The following CHTF8 variants were observed in gnomAD, a reference collection of about 807,000 sequenced individuals.
The protein encoded by CHTF8 is chromosome transmission fidelity protein 8 homolog.
Under a neutral mutation model 11.0 loss-of-function variants are expected in CHTF8, and 6 were observed. The ratio of observed to expected loss-of-function variants is 0.55; its 90% CI spans 0.30 to 1.08. The LOEUF (loss-of-function observed/expected upper bound fraction) is 1.08, where lower values mean the gene tolerates loss of function less well. Ranked by LOEUF, CHTF8 falls within the 50% of genes least tolerant of loss-of-function variation. The pLI, the probability that CHTF8 is intolerant of heterozygous loss-of-function variation, is 0.07. For missense variants in CHTF8, 140 were observed against 153.1 expected (o/e 0.91, Z 0.45); for synonymous variants, 53 against 60.5 (o/e 0.88, Z 0.57).
intron 2 of CHTF8, 100 bp downstream of exon 2, chr16:69,121,324 GCAAGGATTTGTA>G: frequency 2.5e-6 from 3 of 1,215,020 alleles, no homozygotes; most frequent in Non-Finnish European, 3.5e-6. Flanking sequence ...AGATCAGAAT[GCAAGGATTTGTA>G]CAAGATGCAC....
intron 1 of CHTF8, among the ~76,000 whole-genome samples, chr16:69,128,596 G>A (rs1408200098): frequency 6.6e-6 from 1 of 152,028 alleles, no homozygotes; most frequent in African/African-American, 2.4e-5. Context: ...CTTTATCTCA[G>A]TAAAGGAAAC....
In CHTF8 at chr16:69,118,168, A is replaced by AATT. The variant is rs1404983888; in HGVS notation, c.*2254_*2256dup. ...CCATATTCCCATCCACATCAGTTTA[A>AATT]ATTTTGAGGTTCTTTGATTGATTGG... On this transcript the variant is annotated 3_prime_UTR_variant, in exon 4 of 4. Coordinates refer to ENST00000448552, the MANE Select transcript of CHTF8 (RefSeq NM_001039690.5). 6 of 572,182 alleles carry AATT rather than the reference A, an allele frequency of 1.0e-5. No homozygotes were observed. Among genetic ancestry groups the AATT allele is most frequent in the Non-Finnish European group, 1.9e-5 (6 of 321,902 alleles). The allele number at this position is 572,182 out of a possible 1,614,324, so 35.4% of individuals were successfully genotyped here. A position where few individuals can be genotyped will look rare whatever the true frequency, so the allele number is the denominator to read the frequency against.
In CHTF8 at chr16:69,118,291, C is replaced by T; in HGVS notation, c.*2134G>A. On this transcript the variant is annotated 3_prime_UTR_variant, in exon 4 of 4. Transcript: ENST00000448552. Reference sequence around the variant, plus strand: ...GGAGCTGCAGGCCCAGTCAGTCAAGCAGAAACTGCATTCGGTGGGTCTTTC... The same window carrying T: ...GGAGCTGCAGGCCCAGTCAGTCAAGTAGAAACTGCATTCGGTGGGTCTTTC... 3.8e-6 allele frequency: 4 copies of T among 1,056,880 alleles called. No individual in the cohort carries two copies. The highest frequency in any genetic ancestry group is 5.9e-6 in the Non-Finnish European group (4 of 675,280). 65.5% of individuals were successfully genotyped at this position (1,056,880 alleles called of 1,614,324 possible). A position where few individuals can be genotyped will look rare whatever the true frequency, so the allele number is the denominator to read the frequency against.
Position 69,119,665 on chromosome 16 carries a change from C to T in CHTF8, c.*760G>A, listed in dbSNP as rs1198176094. 3 of 674,342 alleles carry T rather than the reference C, an allele frequency of 4.4e-6. No individual in the cohort carries two copies. The East Asian group carries it at 8.1e-5, about 18-fold the overall frequency. 41.8% of individuals were successfully genotyped at this position (674,342 alleles called of 1,614,324 possible). ...AAGACCAGATCCTGTGCCCAAGAGGCCACCTGCTCTGGCATCTAGATTAGG... is the reference window on the plus strand; with the variant it reads ...AAGACCAGATCCTGTGCCCAAGAGGTCACCTGCTCTGGCATCTAGATTAGG... On this transcript the variant is annotated 3_prime_UTR_variant, in exon 4 of 4. Coordinates refer to ENST00000448552, the MANE Select transcript of CHTF8 (RefSeq NM_001039690.5).
At chr16:69,127,870 A>G (rs1272549463) in intron 1 of CHTF8, among the ~76,000 whole-genome samples, 2 of 151,862 alleles carry the variant, frequency 1.3e-5, no homozygotes, top group Non-Finnish European at 2.9e-5. Context: ...TTGGCCTTCC[A>G]AAGTGTTGGG....
Position 69,118,300 on chromosome 16 carries a change from C to T in CHTF8, c.*2125G>A. ...GGCCCAGTCAGTCAAGCAGAAACTG[C>T]ATTCGGTGGGTCTTTCTTTGAAGTG... On this transcript the variant is annotated 3_prime_UTR_variant, in exon 4 of 4. Transcript: ENST00000448552. The T allele has an allele frequency of 8.9e-7, 1 of 1,126,126 alleles. No individual in the cohort carries two copies. Among genetic ancestry groups the T allele is most frequent in the Non-Finnish European group, 1.4e-6 (1 of 736,194 alleles). 69.8% of individuals were successfully genotyped at this position (1,126,126 alleles called of 1,614,324 possible).
Position 69,118,881 on chromosome 16 carries a change from C to A in CHTF8, c.*1544G>T. The A allele has an allele frequency of 1.4e-6, 1 of 702,986 alleles. No individual in the cohort carries two copies. The highest frequency in any genetic ancestry group is 2.6e-6 in the Non-Finnish European group (1 of 384,958). 43.5% of individuals were successfully genotyped at this position (702,986 alleles called of 1,614,324 possible). A position where few individuals can be genotyped will look rare whatever the true frequency, so the allele number is the denominator to read the frequency against. On this transcript the variant is annotated 3_prime_UTR_variant, in exon 4 of 4. Transcript: ENST00000448552. ...AAGGGGGCAACATTCCATTTGGGTA[C>A]ATTGCAGCCATTGGACCCCCTGGTC...
At chr16:69,128,040 G>C (rs967129639) in intron 1 of CHTF8, among the ~76,000 whole-genome samples, 1 of 151,932 alleles carries the variant, frequency 6.6e-6, no homozygotes, top group Non-Finnish European at 1.5e-5. Context: ...TCAGCCTCCC[G>C]AGTAACTGGA....
At chr16:69,121,283 G>T in intron 2 of CHTF8, 113 bp from the exon 3 acceptor site, 1 of 1,276,914 alleles carries the variant, frequency 7.8e-7, no homozygotes, top group South Asian at 1.4e-5. Flanking sequence ...CAAGTTCTTG[G>T]GAAATTGGGC....
In CHTF8 at chr16:69,120,363, A is replaced by C; in HGVS notation, c.*62T>G. 1 of 1,534,940 alleles carries C rather than the reference A, an allele frequency of 6.5e-7. No homozygotes were observed. The highest frequency in any genetic ancestry group is 9.0e-7 in the Non-Finnish European group (1 of 1,108,416). On this transcript the variant is annotated 3_prime_UTR_variant, in exon 4 of 4. Transcript: ENST00000448552. This position sits in a 1 kb window ranked among gnomAD's most constrained non-coding sequence, Gnocchi z 4.0. ...CCAGGGAACCGTCGAGCCGTCCTCG[A>C]GGTGGCAGCGGAGCACGAGTCCAAG...
intron 1 of CHTF8, chr16:69,131,251 C>G (rs1962485572): frequency 6.6e-6 from 1 of 152,112 alleles, no homozygotes; most frequent in African/African-American, 2.4e-5. Flanking sequence ...ACACGTGATA[C>G]TTCCCATCAC....
rs1410663363 is a variant in CHTF8, at chr16:69,120,068, G to T, written c.*357C>A. 1.4e-6 allele frequency: 1 copy of T among 691,254 alleles called. No homozygotes were observed. Among genetic ancestry groups the T allele is most frequent in the Non-Finnish European group, 2.6e-6 (1 of 380,824 alleles). 42.8% of individuals were successfully genotyped at this position (691,254 alleles called of 1,614,324 possible). On this transcript the variant is annotated 3_prime_UTR_variant, in exon 4 of 4. Coordinates refer to ENST00000448552, the MANE Select transcript of CHTF8 (RefSeq NM_001039690.5). The surrounding 1 kb of genome is among the most constrained non-coding windows in gnomAD (Gnocchi z 4.0). ...AGGGTGGGGCCTGGGCCTGGGCCTG[G>T]CCCCAAGAGGCCACCAGGCCTTGGG... is the stretch of plus-strand genomic sequence containing the variant.
rs531325077 is a variant in CHTF8, at chr16:69,119,956, T to C, written c.*469A>G. 11 of 701,112 alleles carry C rather than the reference T, an allele frequency of 1.6e-5. No homozygotes were observed. The highest frequency in any genetic ancestry group is 5.4e-5 in the East Asian group (2 of 37,174). The allele number at this position is 701,112 out of a possible 1,614,324, so 43.4% of individuals were successfully genotyped here. A position where few individuals can be genotyped will look rare whatever the true frequency, so the allele number is the denominator to read the frequency against. On this transcript the variant is annotated 3_prime_UTR_variant, in exon 4 of 4. Coordinates refer to ENST00000448552, the MANE Select transcript of CHTF8 (RefSeq NM_001039690.5). Reference sequence around the variant, plus strand: ...TCCCAGGAGACCACCTGCCCTTGGGTTGGACATAGGACCTGGTCCTGGGAG... The same window carrying C: ...TCCCAGGAGACCACCTGCCCTTGGGCTGGACATAGGACCTGGTCCTGGGAG...
At position 69,132,563 on chromosome 16, in the gene CHTF8, C is replaced by T. The variant is rs1380863157; in HGVS notation, c.-115G>A. The T allele has an allele frequency of 2.6e-6, 1 of 384,808 alleles. No individual in the cohort carries two copies. Among genetic ancestry groups the T allele is most frequent in the Admixed American group, 3.3e-5 (1 of 30,286 alleles). 23.8% of individuals were successfully genotyped at this position (384,808 alleles called of 1,614,324 possible). On this transcript the variant is annotated 5_prime_UTR_variant, in exon 1 of 4. Transcript: ENST00000448552. ...CCTCCCGCCGCCGTCGCCGCCGCCG[C>T]GAGCACTGCCTGCGCACTTCCGACT...
intron 1 of CHTF8, among the ~76,000 whole-genome samples, chr16:69,128,281 A>C (rs1158139331): frequency 2.0e-5 from 3 of 152,226 alleles, no homozygotes; most frequent in South Asian, 2.1e-4. Context: ...GTTAGGAACA[A>C]TAATTCTAGG....
chr16:69,119,959 G>C lies in CHTF8; in HGVS notation c.*466C>G, dbSNP rs753798581. The stretch of plus-strand genomic sequence containing the variant: ...CAGGAGACCACCTGCCCTTGGGTTG[G>C]ACATAGGACCTGGTCCTGGGAGACC... On this transcript the variant is annotated 3_prime_UTR_variant, in exon 4 of 4. Transcript: ENST00000448552. 4.3e-6 allele frequency: 3 copies of C among 701,022 alleles called. No homozygotes were observed. The highest frequency in any genetic ancestry group is 7.8e-6 in the Non-Finnish European group (3 of 383,576). 43.4% of individuals were successfully genotyped at this position (701,022 alleles called of 1,614,324 possible).
Position 69,128,400 on chromosome 16 carries a change from CAT to C in CHTF8, c.-36+4082_-36+4083del, listed in dbSNP as rs1330477028. On this transcript the variant is annotated intron_variant, in intron 1 of 3. Transcript: ENST00000448552. ...GGTATCAGACTCACAGGCCACAACT[CAT>C]GTGTAGCCTTGGAAAGATAAGAAGG... Among the ~76,000 whole-genome samples the C allele has an allele frequency of 4.6e-5, 7 of 152,302 alleles. 1 individual carries two copies. In the East Asian group the frequency reaches 7.7e-4, roughly 17 times the overall value.
At chr16:69,121,011 G>T in intron 3 of CHTF8, 42 bp downstream of exon 3, 1 of 1,541,154 alleles carries the variant, frequency 6.5e-7, no homozygotes, top group Non-Finnish European at 9.0e-7. Flanking sequence ...GGTGTAGCTT[G>T]CTTTCCTGAG....
Position 69,120,976 on chromosome 16 carries a change from C to T in CHTF8, c.141+77G>A. Reference sequence around the variant, plus strand: ...AATAACAAACCTGAGGCAGTCCTCACTCTGGGTCCTGGGAGCACCACCTTG... The same window carrying T: ...AATAACAAACCTGAGGCAGTCCTCATTCTGGGTCCTGGGAGCACCACCTTG... On this transcript the variant is annotated intron_variant, in intron 3 of 3. Transcript: ENST00000448552. This position sits in a 1 kb window ranked among gnomAD's most constrained non-coding sequence, Gnocchi z 4.0. 1 of 1,245,822 alleles carries T rather than the reference C, an allele frequency of 8.0e-7. No homozygotes were observed. The highest frequency in any genetic ancestry group is 1.9e-4 in the Middle Eastern group (1 of 5,318). 77.2% of individuals were successfully genotyped at this position (1,245,822 alleles called of 1,614,324 possible).
Sources: gnomAD v4.1 joint callset for allele counts (sites outside exome capture counted in the v4.1 genomes callset) on GRCh38, gnomAD v4.1.1 for gene constraint, Gnocchi (gnomAD v3.1) non-coding constraint, MANE v1.5 for transcripts, NCBI Gene and HGNC (gene_info 2026-07-23, HGNC 2026-07-21) for gene names.